Variants in CCDC6 observed in about 807,000 individuals in gnomAD.
CCDC6 encodes the protein coiled-coil domain containing 6.
In CCDC6, 20 loss-of-function variants were observed where a neutral mutation model predicts 56.6. The ratio of observed to expected loss-of-function variants is 0.35; its 90% CI spans 0.25 to 0.51. The LOEUF (loss-of-function observed/expected upper bound fraction) is 0.51. CCDC6 is among the 20% of genes least tolerant of loss of function. The pLI, the probability that CCDC6 is intolerant of heterozygous loss-of-function variation, is 0.95. For synonymous variants in CCDC6, 241 were observed against 234.4 expected (o/e 1.03, Z -0.26); for missense variants, 367 against 601.1 (o/e 0.61, Z 4.07).
chr10:59,893,741 G>A (rs201067650), intron 1 of CCDC6, among the ~76,000 whole-genome samples: 2 of 23,982 alleles, frequency 8.3e-5, no homozygotes, highest in Non-Finnish European at 1.9e-4. Flanking sequence ...CTCCACCGAA[G>A]GCTTTACAAA....
At chr10:59,822,911 A>G (rs369818274) in intron 3 of CCDC6, among the ~76,000 whole-genome samples, 3 of 149,586 alleles carry the variant, frequency 2.0e-5, no homozygotes, top group Non-Finnish European at 4.5e-5. Context: ...AAAAAAAAAC[A>G]ACCCCAGACT....
chr10:59,888,547 G>A (rs2071399363), intron 1 of CCDC6, among the ~76,000 whole-genome samples: 1 of 152,236 alleles, frequency 6.6e-6, no homozygotes, highest in Non-Finnish European at 1.5e-5. Context: ...AGGGAGGAAG[G>A]TTAGAGCTGG....
intron 7 of CCDC6, among the ~76,000 whole-genome samples, chr10:59,800,466 G>C (rs10994020): frequency 3.3e-5 from 5 of 152,120 alleles, no homozygotes; most frequent in Non-Finnish European, 7.3e-5. Flanking sequence ...CATCCAAATT[G>C]TTCTAAGTGT....
chr10:59,799,745 C>A (rs1174146105), intron 7 of CCDC6, among the ~76,000 whole-genome samples: 1 of 152,168 alleles, frequency 6.6e-6, no homozygotes, highest in Non-Finnish European at 1.5e-5. Context: ...TTGCAGAAGG[C>A]AAAGACCACA....
intron 1 of CCDC6, among the ~76,000 whole-genome samples, chr10:59,899,232 C>T (rs867072451): frequency 2.0e-5 from 3 of 152,300 alleles, no homozygotes; most frequent in African/African-American, 7.2e-5. Flanking sequence ...CATATTGAAC[C>T]TGTGAACATT....
At chr10:59,806,694 A>G (rs1299210691) in intron 6 of CCDC6, 2 of 460,420 alleles carry the variant, frequency 4.3e-6, no homozygotes, top group African/African-American at 1.9e-5. Flanking sequence ...TTCTCTCCCC[A>G]CCAAATGATT....
At chr10:59,811,373 AAT>A (rs1477543146) in intron 5 of CCDC6, among the ~76,000 whole-genome samples, 7 of 152,200 alleles carry the variant, frequency 4.6e-5, no homozygotes, top group African/African-American at 1.7e-4. Flanking sequence ...CACTTCCTGG[AAT>A]CTATCCTGAA....
At chr10:59,853,432 G>A (rs1388173917) in intron 1 of CCDC6, among the ~76,000 whole-genome samples, 3 of 152,204 alleles carry the variant, frequency 2.0e-5, no homozygotes, top group South Asian at 2.1e-4. Flanking sequence ...TATTCGGGAG[G>A]CTAAGGCAAG....
chr10:59,845,543 T>G (rs2070984532), intron 2 of CCDC6, among the ~76,000 whole-genome samples: 1 of 152,186 alleles, frequency 6.6e-6, no homozygotes, highest in South Asian at 2.1e-4. Flanking sequence ...CTAACAGAAT[T>G]CTGGCTTATA....
At chr10:59,851,131 G>GGA (rs745765424) in intron 2 of CCDC6, among the ~76,000 whole-genome samples, 1 of 46,754 alleles carries the variant, frequency 2.1e-5, no homozygotes, top group Non-Finnish European at 3.9e-5. Context: ...CATGTAAATT[G>GGA]AAAAAAAAAA....
chr10:59,829,755 G>A (rs780697126), intron 3 of CCDC6, among the ~76,000 whole-genome samples: 1 of 152,160 alleles, frequency 6.6e-6, no homozygotes, highest in Non-Finnish European at 1.5e-5. Context: ...GGTTATAGGG[G>A]ATTAGAGGTG....
At chr10:59,798,991 C>CA (rs34505959) in intron 7 of CCDC6, among the ~76,000 whole-genome samples, 3,147 of 76,556 alleles carry the variant, frequency 0.041, 121 homozygotes, top group African/African-American at 0.072. Context: ...AAGACTGTTT[C>CA]AAAAAAAAAA....
chr10:59,847,759 A>G (rs570860758), intron 2 of CCDC6, among the ~76,000 whole-genome samples: 1 of 151,672 alleles, frequency 6.6e-6, no homozygotes. Flanking sequence ...AACATAACCT[A>G]TAAGTTCAGC....
intron 1 of CCDC6, among the ~76,000 whole-genome samples, chr10:59,882,142 G>C (rs1243246272): frequency 4.9e-3 from 108 of 22,154 alleles, no homozygotes; most frequent in Non-Finnish European, 7.4e-3. Flanking sequence ...GGAAAGCCGC[G>C]GGGAGAAGGA....
chr10:59,814,674 C>G lies in CCDC6; in HGVS notation c.664G>C (p.Asp222His), dbSNP rs775915049. 6.2e-7 allele frequency: 1 copy of G among 1,612,556 alleles called. No homozygotes were observed. Among genetic ancestry groups the G allele is most frequent in the Non-Finnish European group, 8.5e-7 (1 of 1,178,664 alleles). The change falls in exon 4 of 9, where the codon GAT becomes CAT. Residue 222 changes from aspartate (D) to histidine (H), a missense_variant. By Grantham distance (81) the Asp-to-His change is moderately conservative. Coordinates refer to ENST00000263102, the MANE Select transcript of CCDC6 (RefSeq NM_005436.5). Reference sequence around the variant, plus strand: ...AACCGCTTTTCAGCTTCAAGCTTATCCATCCTTTTCCAGAGGCGATTAACT... The same window carrying G: ...AACCGCTTTTCAGCTTCAAGCTTATGCATCCTTTTCCAGAGGCGATTAACT... Reference protein sequence around the residue: ...ALVNRLWKRMDKLEAEKRILQ... With the variant: ...ALVNRLWKRMHKLEAEKRILQ...
In CCDC6 at chr10:59,791,258, T is replaced by C. The variant is rs2070464899; in HGVS notation, c.*1659A>G. On this transcript the variant is annotated 3_prime_UTR_variant, in exon 9 of 9. Transcript: ENST00000263102. Reference sequence around the variant, plus strand: ...GTTTCTTCCAAACAATTGAGTGATGTTCTCAGTTTGGGGGTGGAAGCAGGA... The same window carrying C: ...GTTTCTTCCAAACAATTGAGTGATGCTCTCAGTTTGGGGGTGGAAGCAGGA... 2 of 200,570 alleles carry C rather than the reference T, an allele frequency of 1.0e-5. No individual in the cohort carries two copies. The highest frequency in any genetic ancestry group is 1.2e-4 in the Admixed American group (2 of 16,594). The allele number at this position is 200,570 out of a possible 1,614,324, so 12.4% of individuals were successfully genotyped here.
At chr10:59,816,075 G>T (rs1342691267) in intron 3 of CCDC6, among the ~76,000 whole-genome samples, 1 of 152,066 alleles carries the variant, frequency 6.6e-6, no homozygotes, top group Non-Finnish European at 1.5e-5. Context: ...GGTCCTTAAG[G>T]AGCTCACAGA....
chr10:59,806,245 G>A (rs947585995), intron 6 of CCDC6, among the ~76,000 whole-genome samples: 4 of 152,224 alleles, frequency 2.6e-5, no homozygotes, highest in South Asian at 2.1e-4. Flanking sequence ...ACCTTATCCC[G>A]AATTTAGAGA....
chr10:59,862,564 T>C (rs61848708), intron 1 of CCDC6, among the ~76,000 whole-genome samples: 2,906 of 109,094 alleles, frequency 0.027, 130 homozygotes, highest in Middle Eastern at 0.042. Context: ...CACATATATA[T>C]ACACATACAC....
Sources: allele counts gnomAD v4.1 joint callset (sites outside exome capture counted in the v4.1 genomes callset), GRCh38; gene constraint gnomAD v4.1.1; transcripts MANE v1.5; gene names NCBI Gene and HGNC (gene_info 2026-07-23, HGNC 2026-07-21).